Variants in CHM observed in about 807,000 individuals in gnomAD.
The protein encoded by CHM is CHM Rab escort protein, also known as rab proteins geranylgeranyltransferase component A 1.
Under a neutral mutation model 49.0 loss-of-function variants are expected in CHM, and 10 were observed. The observed-to-expected ratio is 0.20, with a 90% CI of 0.13 to 0.35. CHM has a LOEUF of 0.35. Among genes scored for constraint, CHM ranks in the 10% least tolerant of loss-of-function variants. The pLI is 1.00. For synonymous variants in CHM, 184 were observed against 167.5 expected (o/e 1.10, Z -0.76); for missense variants, 455 against 478.4 (o/e 0.95, Z 0.46).
intron 2 of CHM, among the ~76,000 whole-genome samples, chrX:86,007,999 A>T (rs1292702269): frequency 8.9e-6 from 1 of 112,194 alleles, no homozygotes; most frequent in Non-Finnish European, 1.9e-5. Context: ...AAAGACTTGG[A>T]ACCCACCCAA....
chrX:85,903,696 C>G, intron 9 of CHM: 2 of 384,455 alleles, frequency 5.2e-6, no homozygotes, highest in South Asian at 2.4e-5. Context: ...CCTGGAGATT[C>G]TGATAAGCTC....
chrX:85,977,395 A>C (rs1255480114), intron 4 of CHM, among the ~76,000 whole-genome samples: 1 of 112,637 alleles, frequency 8.9e-6, no homozygotes, highest in Non-Finnish European at 1.9e-5. Context: ...TCTCACTTTG[A>C]GAAGTTATAC....
chrX:86,035,461 C>T (rs2147801816), intron 1 of CHM, among the ~76,000 whole-genome samples: 1 of 110,987 alleles, frequency 9.0e-6, no homozygotes, highest in East Asian at 2.8e-4. Flanking sequence ...AGAACAGGAA[C>T]ATTTTGAAAA....
chrX:85,974,689 C>T (rs765602691), intron 4 of CHM, among the ~76,000 whole-genome samples: 18 of 107,933 alleles, frequency 1.7e-4, no homozygotes, highest in South Asian at 4.0e-4. Context: ...ATCCTTAGAT[C>T]GAAAAACAAA....
At chrX:85,903,882 A>G (rs932801251) in intron 9 of CHM, among the ~76,000 whole-genome samples, 2 of 111,239 alleles carry the variant, frequency 1.8e-5, no homozygotes, top group Non-Finnish European at 3.8e-5. Flanking sequence ...TGATAATAAC[A>G]TGACTCACCT....
chrX:85,904,512 T>C (rs1419033676), intron 9 of CHM, among the ~76,000 whole-genome samples: 2 of 112,106 alleles, frequency 1.8e-5, no homozygotes, highest in South Asian at 3.7e-4. Context: ...ATTCAATCTC[T>C]GTGATCTTCA....
chrX:85,966,348 T>TA (rs761814256), intron 4 of CHM, among the ~76,000 whole-genome samples: 2,044 of 67,038 alleles, frequency 0.03, 67 homozygotes, highest in African/African-American at 0.094. Context: ...AAACTCCGTC[T>TA]AAAAAAAAAA....
At chrX:85,918,226 A>C (rs1319099126) in intron 8 of CHM, among the ~76,000 whole-genome samples, 1 of 111,449 alleles carries the variant, frequency 9.0e-6, no homozygotes, top group Non-Finnish European at 1.9e-5. Context: ...CAGCAGAAAC[A>C]TTACAAGCCA....
At chrX:85,909,537 A>C (rs975062133) in intron 9 of CHM, among the ~76,000 whole-genome samples, 4 of 111,593 alleles carry the variant, frequency 3.6e-5, no homozygotes, top group Admixed American at 2.9e-4. Context: ...TGGGCACATT[A>C]AAGTTTGAAA....
chrX:86,020,033 C>T (rs769607095), intron 2 of CHM, among the ~76,000 whole-genome samples: 52 of 111,401 alleles, frequency 4.7e-4, no homozygotes, highest in Non-Finnish European at 5.9e-4. Context: ...GTACTTCCTA[C>T]CTCAGCATAC....
intron 8 of CHM, among the ~76,000 whole-genome samples, chrX:85,930,545 G>A (rs1345371679): frequency 2.7e-5 from 3 of 111,899 alleles, no homozygotes; most frequent in Non-Finnish European, 5.6e-5. Context: ...TAACTGGCAC[G>A]CTTTAGTCTT....
chrX:85,905,381 A>G, intron 9 of CHM, among the ~76,000 whole-genome samples: 1 of 112,223 alleles, frequency 8.9e-6, no homozygotes, highest in Middle Eastern at 4.6e-3. Context: ...ATAAATGTAT[A>G]GCATAACAAC....
At chrX:86,002,722 A>G (rs1261648661) in intron 2 of CHM, among the ~76,000 whole-genome samples, 1 of 112,542 alleles carries the variant, frequency 8.9e-6, no homozygotes, top group African/African-American at 3.2e-5. Context: ...GTAGGTAAAC[A>G]AAGTGGCCAG....
chrX:86,041,076 A>T (rs1165225323), intron 1 of CHM, among the ~76,000 whole-genome samples: 1 of 112,130 alleles, frequency 8.9e-6, no homozygotes, highest in Non-Finnish European at 1.9e-5. Flanking sequence ...TATGTTAAAC[A>T]TGAGAATGTA....
At chrX:85,926,859 G>A (rs1320737227) in intron 8 of CHM, among the ~76,000 whole-genome samples, 1 of 111,688 alleles carries the variant, frequency 9.0e-6, no homozygotes, top group African/African-American at 3.3e-5. Flanking sequence ...GAGAGCCGGT[G>A]ATAAAAGAAA....
intron 13 of CHM, among the ~76,000 whole-genome samples, chrX:85,875,772 A>G (rs1015544352): frequency 2.3e-4 from 26 of 111,380 alleles, no homozygotes; most frequent in African/African-American, 8.2e-4. Flanking sequence ...AATGAGTGAG[A>G]CGCTTCACTG....
In CHM at chrX:85,990,872, A is replaced by G. The variant is rs781036437; in HGVS notation, c.117-9063T>C. On this transcript the variant is annotated intron_variant, in intron 2 of 14. Transcript: ENST00000357749. Reference sequence around the variant, plus strand: ...TACAATTCAGTGTTGAATATTCAGCAGCAGGCATAGCTAAATGCTACTAAA... The same window carrying G: ...TACAATTCAGTGTTGAATATTCAGCGGCAGGCATAGCTAAATGCTACTAAA... Among the ~76,000 whole-genome samples the G allele has an allele frequency of 4.2e-4, 47 of 112,156 alleles. No individual in the cohort carries two copies. The Middle Eastern group carries it at 0.014, about 33-fold the overall frequency.
At chrX:85,981,390 T>C (rs1452520939) in intron 3 of CHM, among the ~76,000 whole-genome samples, 1 of 107,833 alleles carries the variant, frequency 9.3e-6, no homozygotes, top group Non-Finnish European at 1.9e-5. Context: ...CGTGCCACCA[T>C]GCCCAGCTAA....
chrX:86,027,235 C>A (rs936208021), intron 2 of CHM: 7 of 341,431 alleles, frequency 2.1e-5, no homozygotes, highest in African/African-American at 2.0e-4. Context: ...TAAACAAAAT[C>A]ACTCATGAGA....
Sources: gnomAD v4.1 joint callset for allele counts (sites outside exome capture counted in the v4.1 genomes callset) on GRCh38, gnomAD v4.1.1 for gene constraint, MANE v1.5 for transcripts, NCBI Gene and HGNC (gene_info 2026-07-23, HGNC 2026-07-21) for gene names.